LRRIQ4: variants seen among roughly 807,000 people sequenced by gnomAD.
LRRIQ4 encodes the protein leucine rich repeats and IQ motif containing 4.
Under a neutral mutation model 40.1 loss-of-function variants are expected in LRRIQ4, and 21 were observed. That is an observed-to-expected ratio of 0.52 (90% confidence interval 0.37 to 0.75). The LOEUF is 0.75. LRRIQ4 is among the 30% of genes least tolerant of loss of function. The pLI, the probability that LRRIQ4 is intolerant of heterozygous loss-of-function variation, is 0.00. For missense variants in LRRIQ4, 655 were observed against 660.0 expected (o/e 0.99, Z 0.08); for synonymous variants, 277 against 277.1 (o/e 1.00, Z 0.00).
At chr3:169,836,054 A>G (rs1354659660) in intron 5 of LRRIQ4, among the ~76,000 whole-genome samples, 1 of 152,228 alleles carries the variant, frequency 6.6e-6, no homozygotes, top group African/African-American at 2.4e-5. Context: ...CACTGTTCTA[A>G]GCATTGAGAT....
intron 1 of LRRIQ4, among the ~76,000 whole-genome samples, 163 bp downstream of exon 1, chr3:169,813,209 C>A (rs1779671263): frequency 6.6e-6 from 1 of 152,226 alleles, no homozygotes; most frequent in Non-Finnish European, 1.5e-5. Context: ...AGGCTTTAAT[C>A]TGGTGCTGCA....
At chr3:169,816,603 A>AT (rs200778165) in intron 1 of LRRIQ4, among the ~76,000 whole-genome samples, 2 of 147,598 alleles carry the variant, frequency 1.4e-5, no homozygotes, top group East Asian at 2.0e-4. Context: ...CATTTTATTA[A>AT]TTTTTTTGCA....
At position 169,830,397 on chromosome 3, in the gene LRRIQ4, A is replaced by G. The variant is rs972960054; in HGVS notation, c.1195-95A>G. On this transcript the variant is annotated intron_variant, in intron 3 of 5. Coordinates refer to ENST00000340806, the MANE Select transcript of LRRIQ4 (RefSeq NM_001080460.3). ...AAAGTGAAAAAAAAAAAAAAAAAAA[A>G]AAAAAAAAAAAATGCATGAGCACCC... 6.1e-6 allele frequency: 3 copies of G among 491,578 alleles called. 1 individual carries two copies. Among genetic ancestry groups the G allele is most frequent in the Non-Finnish European group, 8.7e-6 (3 of 345,360 alleles). The allele number at this position is 491,578 out of a possible 1,614,324, so 30.5% of individuals were successfully genotyped here.
At chr3:169,814,025 C>T (rs1210681400) in intron 1 of LRRIQ4, among the ~76,000 whole-genome samples, 1 of 152,116 alleles carries the variant, frequency 6.6e-6, no homozygotes, top group Non-Finnish European at 1.5e-5. Context: ...TTCAGTTTTG[C>T]TGTGTATAGG....
chr3:169,821,801 C>A, intron 1 of LRRIQ4, 90 bp from the exon 2 acceptor site: 2 of 646,956 alleles, frequency 3.1e-6, no homozygotes, highest in Non-Finnish European at 4.7e-6. Context: ...TAAGTTTAAT[C>A]AACTAGGTTT....
intron 1 of LRRIQ4, 50 bp from the exon 2 acceptor site, chr3:169,821,841 C>A: frequency 1.1e-6 from 1 of 951,102 alleles, no homozygotes; most frequent in South Asian, 2.8e-5. Flanking sequence ...GATAGCAAGT[C>A]TGGTGGCAGG....
chr3:169,828,747 G>A lies in LRRIQ4; in HGVS notation c.1021-12G>A. ...TCTTGACCTGAAACTTATCTTTTTG[G>A]AATACTTCTAGTTACCTTCAGAATT... is the stretch of plus-strand genomic sequence containing the variant. On this transcript the variant is annotated splice_polypyrimidine_tract_variant and intron_variant, in intron 2 of 5. Coordinates refer to ENST00000340806, the MANE Select transcript of LRRIQ4 (RefSeq NM_001080460.3). 6.3e-7 allele frequency: 1 copy of A among 1,599,664 alleles called. No homozygotes were observed. The highest frequency in any genetic ancestry group is 1.8e-5 in the Admixed American group (1 of 55,374).
At position 169,822,422 on chromosome 3, in the gene LRRIQ4, G is replaced by A. The variant is rs915504201; in HGVS notation, c.501G>A (p.Leu167=). 8 of 1,613,606 alleles carry A rather than the reference G, an allele frequency of 5.0e-6. No individual in the cohort carries two copies. The highest frequency in any genetic ancestry group is 5.1e-6 in the Non-Finnish European group (6 of 1,179,694). Residue 167 remains leucine, a synonymous_variant, in exon 2 of 6, where the codon CTG becomes CTA. Coordinates refer to ENST00000340806, the MANE Select transcript of LRRIQ4 (RefSeq NM_001080460.3). The part of the protein sequence containing the change: ...LPKEIVNQTK[L]REIYLKRNQF... ...AGGAAATAGTGAACCAGACCAAGCT[G>A]AGGGAGATCTACCTGAAGCGAAACC...
intron 1 of LRRIQ4, among the ~76,000 whole-genome samples, chr3:169,816,674 C>CTTTTT (rs34890404): frequency 3.9e-4 from 53 of 136,040 alleles, no homozygotes; most frequent in African/African-American, 1.4e-3. Flanking sequence ...TTTTCTTCTA[C>CTTTTT]TTTTTTTTTT....
intron 2 of LRRIQ4, among the ~76,000 whole-genome samples, chr3:169,826,331 G>T (rs1780039780): frequency 6.6e-6 from 1 of 151,258 alleles, no homozygotes; most frequent in Non-Finnish European, 1.5e-5. Context: ...GGCAGAGGTT[G>T]CAATGAGCCA....
intron 2 of LRRIQ4, among the ~76,000 whole-genome samples, chr3:169,826,723 T>C (rs1780048275): frequency 6.6e-6 from 1 of 152,228 alleles, no homozygotes; most frequent in Non-Finnish European, 1.5e-5. Flanking sequence ...TTTCATTGTT[T>C]TGGACTGCAC....
At chr3:169,828,021 C>G (rs912074185) in intron 2 of LRRIQ4, among the ~76,000 whole-genome samples, 2 of 152,106 alleles carry the variant, frequency 1.3e-5, no homozygotes. Flanking sequence ...TATATGTTTG[C>G]CTCCAACTGA....
chr3:169,829,521 C>CT (rs201572669), intron 3 of LRRIQ4, among the ~76,000 whole-genome samples: 44 of 146,760 alleles, frequency 3.0e-4, no homozygotes, highest in East Asian at 7.9e-4. Context: ...TGTTGCTGCA[C>CT]TTTTTTTTTT....
intron 1 of LRRIQ4, among the ~76,000 whole-genome samples, chr3:169,818,762 G>A (rs1779814546): frequency 6.6e-6 from 1 of 152,166 alleles, no homozygotes; most frequent in Non-Finnish European, 1.5e-5. Context: ...TAGTTTGTTT[G>A]TGATTCACCA....
At chr3:169,817,865 G>C (rs1207700227) in intron 1 of LRRIQ4, among the ~76,000 whole-genome samples, 1 of 152,040 alleles carries the variant, frequency 6.6e-6, no homozygotes, top group African/African-American at 2.4e-5. Flanking sequence ...ATCGATCATT[G>C]GGTCTTGTTT....
chr3:169,829,920 A>G (rs1298990751), intron 3 of LRRIQ4, among the ~76,000 whole-genome samples: 1 of 152,172 alleles, frequency 6.6e-6, no homozygotes, highest in African/African-American at 2.4e-5. Context: ...CTAATTCTCC[A>G]TTCCTTTGCC....
At chr3:169,823,416 C>T (rs1023887432) in intron 2 of LRRIQ4, among the ~76,000 whole-genome samples, 2 of 149,370 alleles carry the variant, frequency 1.3e-5, no homozygotes, top group Middle Eastern at 3.2e-3. Flanking sequence ...GGTGTGATCT[C>T]GGCTCACTGC....
At position 169,821,979 on chromosome 3, in the gene LRRIQ4, C is replaced by A. The variant is rs756782965; in HGVS notation, c.58C>A (p.Pro20Thr). 2.6e-6 allele frequency: 4 copies of A among 1,531,866 alleles called. No individual in the cohort carries two copies. The Admixed American group carries it at 9.0e-5, about 35-fold the overall frequency. 94.9% of individuals were successfully genotyped at this position (1,531,866 alleles called of 1,614,324 possible). Reference protein sequence around the residue: ...HSPKIHQRNDPQHVNDRTFFI... With the variant: ...HSPKIHQRNDTQHVNDRTFFI... ...ACCTAAAATTCATCAGAGAAATGAT[C>A]CACAGCACGTCAATGATAGAACATT... Residue 20 changes from proline to threonine, a missense_variant, in exon 2 of 6, where the codon CCA becomes ACA. Physicochemically the swap from Pro to Thr is conservative, Grantham distance 38. Transcript: ENST00000340806.
At position 169,822,028 on chromosome 3, in the gene LRRIQ4, G is replaced by A. The variant is rs1185929005; in HGVS notation, c.107G>A (p.Ser36Asn). The change falls in exon 2 of 6, where the codon AGC becomes AAC. Residue 36 changes from serine (S) to asparagine (N), a missense_variant. By Grantham distance (46) the Ser-to-Asn change is conservative. Coordinates refer to ENST00000340806, the MANE Select transcript of LRRIQ4 (RefSeq NM_001080460.3). ...TTTTTCATTGATGCCTCTAATCAGA[G>A]CTTGACTGCCATTCCTTTGGAGATC... ...RTFFIDASNQ[S>N]LTAIPLEIFT... 6.2e-7 allele frequency: 1 copy of A among 1,601,694 alleles called. No homozygotes were observed. The highest frequency in any genetic ancestry group is 1.4e-5 in the African/African-American group (1 of 74,010).
Sources: allele counts gnomAD v4.1 joint callset (sites outside exome capture counted in the v4.1 genomes callset), GRCh38; gene constraint gnomAD v4.1.1; transcripts MANE v1.5; gene names NCBI Gene and HGNC (gene_info 2026-07-23, HGNC 2026-07-21).